Variants in BCAS3 observed in about 807,000 individuals in gnomAD.
BCAS3 encodes BCAS3 microtubule associated cell migration factor.
In BCAS3, 53 loss-of-function variants were observed where a neutral mutation model predicts 116.1. The ratio of observed to expected loss-of-function variants is 0.46; its 90% CI spans 0.37 to 0.57. The LOEUF (loss-of-function observed/expected upper bound fraction) is 0.57. Ranked by LOEUF, BCAS3 falls within the 20% of genes least tolerant of loss-of-function variation. BCAS3 has a pLI of 0.00. For synonymous variants in BCAS3, 391 were observed against 408.2 expected (o/e 0.96, Z 0.51); for missense variants, 917 against 1,165.4 (o/e 0.79, Z 3.10).
At chr17:61,117,648 TCTTTTA>T (rs2075554593) in intron 22 of BCAS3, among the ~76,000 whole-genome samples, 1 of 152,138 alleles carries the variant, frequency 6.6e-6, no homozygotes. Flanking sequence ...CTTTTTTATA[TCTTTTA>T]CTTGTTTGCT....
In BCAS3 at chr17:61,065,335, A is replaced by T. The variant is rs1369418216; in HGVS notation, c.2030-9585A>T. Reference sequence around the variant, plus strand: ...ATACTAAGAAACTACATTCCCAAGCAGAATTTCATCCTTATATCCTGAGTG... The same window carrying T: ...ATACTAAGAAACTACATTCCCAAGCTGAATTTCATCCTTATATCCTGAGTG... On this transcript the variant is annotated intron_variant, in intron 19 of 23. Transcript: ENST00000407086. The surrounding 1 kb of genome is among the most constrained non-coding windows in gnomAD (Gnocchi z 4.8). 2.0e-5 allele frequency among the ~76,000 whole-genome samples: 3 copies of T among 152,240 alleles called. No individual in the cohort carries two copies. Among genetic ancestry groups the T allele is most frequent in the African/African-American group, 7.2e-5 (3 of 41,466 alleles).
At chr17:60,855,139 A>G (rs2053557048) in intron 7 of BCAS3, among the ~76,000 whole-genome samples, 1 of 151,108 alleles carries the variant, frequency 6.6e-6, no homozygotes, top group Non-Finnish European at 1.5e-5. Flanking sequence ...TAGTAGAGAC[A>G]GGGTTTCACC....
chr17:61,364,452 A>G lies in BCAS3; in HGVS notation c.2426-3875A>G, dbSNP rs1258602699. ...GGTTCTTGGCCAGGCGCAGTGGCTC[A>G]TGCCTGTAATTCCAGCACTTTGGGA... On this transcript the variant is annotated intron_variant, in intron 22 of 23. Coordinates refer to ENST00000407086, the MANE Select transcript of BCAS3 (RefSeq NM_017679.5). The surrounding 1 kb of genome is among the most constrained non-coding windows in gnomAD (Gnocchi z 5.4). 6.6e-6 allele frequency among the ~76,000 whole-genome samples: 1 copy of G among 152,246 alleles called. No individual in the cohort carries two copies. Among genetic ancestry groups the G allele is most frequent in the Non-Finnish European group, 1.5e-5 (1 of 68,050 alleles).
chr17:60,847,842 T>C (rs1295935258), intron 7 of BCAS3, among the ~76,000 whole-genome samples: 1 of 151,952 alleles, frequency 6.6e-6, no homozygotes, highest in Non-Finnish European at 1.5e-5. Flanking sequence ...TTTTAAAATA[T>C]TGATGTAATC....
At chr17:60,890,958 T>C (rs2057104300) in intron 10 of BCAS3, among the ~76,000 whole-genome samples, 1 of 152,226 alleles carries the variant, frequency 6.6e-6, no homozygotes, top group African/African-American at 2.4e-5. Context: ...AAAATTATTT[T>C]TCTGCATAAA....
intron 7 of BCAS3, among the ~76,000 whole-genome samples, chr17:60,843,858 G>A (rs1313875439): frequency 2.0e-5 from 3 of 152,086 alleles, no homozygotes; most frequent in African/African-American, 7.2e-5. Context: ...ACTCATTTAT[G>A]TGTTTATTTT....
At position 61,140,585 on chromosome 17, in the gene BCAS3, T is replaced by C. The variant is rs1039658160; in HGVS notation, c.2425+56021T>C. On this transcript the variant is annotated intron_variant, in intron 22 of 23. Coordinates refer to ENST00000407086, the MANE Select transcript of BCAS3 (RefSeq NM_017679.5). This position sits in a 1 kb window ranked among gnomAD's most constrained non-coding sequence, Gnocchi z 4.2. The stretch of plus-strand genomic sequence containing the variant: ...ACATAAAAGTTGCTTATCTCTCCAC[T>C]TTTTTTTTTTTTCTGGAGAAACAGC... Among the ~76,000 whole-genome samples the C allele has an allele frequency of 1.3e-4, 18 of 143,374 alleles. No homozygotes were observed. Among genetic ancestry groups the C allele is most frequent in the Non-Finnish European group, 2.4e-4 (16 of 65,462 alleles). The allele number at this position is 143,374 out of a possible 152,430, so 94.1% of individuals were successfully genotyped here.
At chr17:60,710,905 C>T (rs1598220467) in intron 5 of BCAS3, among the ~76,000 whole-genome samples, 1 of 151,236 alleles carries the variant, frequency 6.6e-6, no homozygotes, top group African/African-American at 2.4e-5. Context: ...TGGACTCAAG[C>T]GATCCTCCCA....
chr17:61,147,218 G>C (rs2077272638), intron 22 of BCAS3, among the ~76,000 whole-genome samples: 1 of 152,064 alleles, frequency 6.6e-6, no homozygotes, highest in African/African-American at 2.4e-5. Context: ...GGGACTACAG[G>C]TACGCACCAC....
rs963613821 is a variant in BCAS3, at chr17:61,087,957, G to A, written c.2425+3393G>A. Among the ~76,000 whole-genome samples, 5 of 152,098 alleles carry A rather than the reference G, an allele frequency of 3.3e-5. No individual in the cohort carries two copies. Among genetic ancestry groups the A allele is most frequent in the African/African-American group, 1.2e-4 (5 of 41,394 alleles). On this transcript the variant is annotated intron_variant, in intron 22 of 23. Transcript: ENST00000407086. The surrounding 1 kb of genome is among the most constrained non-coding windows in gnomAD (Gnocchi z 4.6). The stretch of plus-strand genomic sequence containing the variant: ...TAGCACTTTGGGAGGCCGAAGCGGT[G>A]GATCACTTGAGGTCAGGTGTTTGAG...
intron 5 of BCAS3, among the ~76,000 whole-genome samples, chr17:60,743,182 A>G (rs1338334511): frequency 6.6e-6 from 1 of 152,142 alleles, no homozygotes; most frequent in Non-Finnish European, 1.5e-5. Flanking sequence ...ATATAAAACT[A>G]CAATTCCATG....
intron 7 of BCAS3, among the ~76,000 whole-genome samples, chr17:60,856,126 A>G (rs1599199034): frequency 1.3e-5 from 2 of 152,370 alleles, no homozygotes; most frequent in East Asian, 1.9e-4. Context: ...CTCCTGGGAT[A>G]GTAATTTAAT....
chr17:61,154,037 G>A (rs750187015), intron 22 of BCAS3, among the ~76,000 whole-genome samples: 1 of 152,182 alleles, frequency 6.6e-6, no homozygotes, highest in African/African-American at 2.4e-5. Flanking sequence ...TTTAGTGAAG[G>A]GAAGCAAGGT....
intron 8 of BCAS3, among the ~76,000 whole-genome samples, chr17:60,873,339 A>G (rs920169663): frequency 6.6e-6 from 1 of 152,206 alleles, no homozygotes; most frequent in Non-Finnish European, 1.5e-5. Context: ...TTGTTTTTAA[A>G]GATGAACAAA....
intron 14 of BCAS3, among the ~76,000 whole-genome samples, chr17:60,985,763 GTTT>G (rs548788523): frequency 3.4e-4 from 52 of 152,210 alleles, no homozygotes; most frequent in African/African-American, 1.3e-3. Context: ...TTGAGATGGA[GTTT>G]CGCTCTGTCG....
Position 61,387,609 on chromosome 17 carries a change from A to C in BCAS3, c.2594-4368A>C, listed in dbSNP as rs2059923884. Among the ~76,000 whole-genome samples, 3 of 152,030 alleles carry C rather than the reference A, an allele frequency of 2.0e-5. No individual in the cohort carries two copies. The highest frequency in any genetic ancestry group is 4.8e-5 in the African/African-American group (2 of 41,386). The stretch of plus-strand genomic sequence containing the variant: ...ATCCCCCTACCCCTGGGGGCTGTCC[A>C]TCCTGGCCCAAGGCATAGAGGGGCA... On this transcript the variant is annotated intron_variant, in intron 23 of 23. Coordinates refer to ENST00000407086, the MANE Select transcript of BCAS3 (RefSeq NM_017679.5). This position sits in a 1 kb window ranked among gnomAD's most constrained non-coding sequence, Gnocchi z 6.2.
chr17:61,031,071 G>A (rs2066602216), intron 16 of BCAS3, among the ~76,000 whole-genome samples: 1 of 151,874 alleles, frequency 6.6e-6, no homozygotes, highest in South Asian at 2.1e-4. Flanking sequence ...AAATAAATGA[G>A]GGAAGGCATC....
intron 22 of BCAS3, among the ~76,000 whole-genome samples, chr17:61,252,764 C>A (rs2048463773): frequency 6.6e-6 from 1 of 152,140 alleles, no homozygotes; most frequent in African/African-American, 2.4e-5. Context: ...ATTGTGGAAT[C>A]CATATCTGTC....
chr17:61,132,864 G>A lies in BCAS3; in HGVS notation c.2425+48300G>A, dbSNP rs969450145. Among the ~76,000 whole-genome samples the A allele has an allele frequency of 2.0e-5, 3 of 152,126 alleles. No individual in the cohort carries two copies. Among genetic ancestry groups the A allele is most frequent in the Non-Finnish European group, 4.4e-5 (3 of 68,014 alleles). On this transcript the variant is annotated intron_variant, in intron 22 of 23. Coordinates refer to ENST00000407086, the MANE Select transcript of BCAS3 (RefSeq NM_017679.5). The surrounding 1 kb of genome is among the most constrained non-coding windows in gnomAD (Gnocchi z 5.1). ...AGAATCCAAGCAAGGTTCATAAAAT[G>A]CCACCACCCCTGATTCATGACCTGA...
Sources: allele counts gnomAD v4.1 joint callset (sites outside exome capture counted in the v4.1 genomes callset), GRCh38; gene constraint gnomAD v4.1.1; non-coding constraint Gnocchi (gnomAD v3.1); transcripts MANE v1.5; gene names NCBI Gene and HGNC (gene_info 2026-07-23, HGNC 2026-07-21).